ANO4: variants seen among roughly 807,000 people sequenced by gnomAD.
ANO4 encodes the protein anoctamin 4, also known as anoctamin-4.
ANO4 carries 69 observed loss-of-function variants against 141.9 expected under a neutral mutation model. The ratio of observed to expected loss-of-function variants is 0.49; its 90% CI spans 0.40 to 0.59. ANO4 has a LOEUF of 0.59. Among genes scored for constraint, ANO4 ranks in the 20% least tolerant of loss-of-function variants. The pLI is 0.00. For missense variants in ANO4, 894 were observed against 1,162.2 expected (o/e 0.77, Z 3.36); for synonymous variants, 350 against 394.3 (o/e 0.89, Z 1.33).
intron 14 of ANO4, among the ~76,000 whole-genome samples, chr12:101,048,770 C>T (rs561306867): frequency 6.6e-6 from 1 of 152,272 alleles, no homozygotes; most frequent in East Asian, 1.9e-4. Context: ...TGAGTACCCA[C>T]CTTTAGCTTT....
At chr12:100,790,181 G>A (rs748962162), upstream of ANO4, among the ~76,000 whole-genome samples, 1 of 152,204 alleles carries the variant, frequency 6.6e-6, no homozygotes, top group Non-Finnish European at 1.5e-5. Context: ...CAGGGCATGA[G>A]ATAATATAGG....
intron 5 of ANO4, among the ~76,000 whole-genome samples, chr12:100,953,558 C>A (rs2043059820): frequency 6.6e-6 from 1 of 152,170 alleles, no homozygotes; most frequent in Non-Finnish European, 1.5e-5. Flanking sequence ...TGAAGTAATT[C>A]ATTCATTCAT....
chr12:100,930,908 G>T (rs763790805), intron 3 of ANO4, among the ~76,000 whole-genome samples: 1 of 152,122 alleles, frequency 6.6e-6, no homozygotes, highest in Non-Finnish European at 1.5e-5. Context: ...TTGTCTCTTT[G>T]TCTGCTCCAT....
intron 9 of ANO4, among the ~76,000 whole-genome samples, chr12:101,034,361 C>T (rs1285074330): frequency 6.6e-6 from 1 of 152,076 alleles, no homozygotes; most frequent in Non-Finnish European, 1.5e-5. Context: ...AGCTGGATAC[C>T]ATCATCCTCA....
chr12:100,760,904 T>A (rs554113935), intron 3 of ANO4, among the ~76,000 whole-genome samples: 6 of 152,280 alleles, frequency 3.9e-5, no homozygotes, highest in African/African-American at 1.4e-4. Context: ...AGGTGGAACA[T>A]GGTCCTTTCT....
intron 14 of ANO4, among the ~76,000 whole-genome samples, chr12:101,049,401 A>C (rs2047766622): frequency 6.6e-6 from 1 of 152,094 alleles, no homozygotes; most frequent in South Asian, 2.1e-4. Context: ...TTCTTAGGGC[A>C]CTTAAAATTA....
chr12:101,024,780 C>T (rs2046667224), intron 9 of ANO4, among the ~76,000 whole-genome samples: 1 of 152,092 alleles, frequency 6.6e-6, no homozygotes. Flanking sequence ...CTCTGGTGCG[C>T]TAGACAAACT....
intron 8 of ANO4, among the ~76,000 whole-genome samples, chr12:100,997,005 G>T (rs1309384703): frequency 6.6e-6 from 1 of 152,100 alleles, no homozygotes; most frequent in East Asian, 1.9e-4. Flanking sequence ...ACTTGCTCAT[G>T]GTTGCTCTGG....
At chr12:100,995,515 C>T (rs757277610) in intron 8 of ANO4, among the ~76,000 whole-genome samples, 3 of 152,084 alleles carry the variant, frequency 2.0e-5, no homozygotes, top group Non-Finnish European at 2.9e-5. Flanking sequence ...TGCAGTCATC[C>T]GTGTGAAGCA....
chr12:100,918,803 T>C (rs962638663), intron 2 of ANO4, among the ~76,000 whole-genome samples: 2 of 152,092 alleles, frequency 1.3e-5, no homozygotes, highest in Admixed American at 6.6e-5. Flanking sequence ...CTCCTTTTAC[T>C]GATTAAAAAA....
At chr12:101,073,953 G>T (rs912467256) in intron 14 of ANO4, among the ~76,000 whole-genome samples, 3 of 152,066 alleles carry the variant, frequency 2.0e-5, no homozygotes, top group Non-Finnish European at 4.4e-5. Flanking sequence ...GTAGAAAATG[G>T]AGCAGAAAAA....
chr12:100,811,510 A>G (rs1214722005), intron 1 of ANO4, among the ~76,000 whole-genome samples: 1 of 152,178 alleles, frequency 6.6e-6, no homozygotes, highest in Non-Finnish European at 1.5e-5. Context: ...TGACTTTTGA[A>G]GGATTTTGGG....
intron 17 of ANO4, among the ~76,000 whole-genome samples, chr12:101,087,408 G>C (rs978577030): frequency 2.6e-5 from 4 of 151,892 alleles, no homozygotes; most frequent in African/African-American, 9.7e-5. Flanking sequence ...TGTAGTCCCA[G>C]CTGCTTTGTG....
chr12:101,107,255 A>C (rs567766175), intron 22 of ANO4, among the ~76,000 whole-genome samples: 4 of 152,292 alleles, frequency 2.6e-5, no homozygotes, highest in Admixed American at 2.6e-4. Context: ...CAGTCATTGA[A>C]CCAGCATTAT....
chr12:100,921,924 C>T (rs892472746), intron 2 of ANO4, among the ~76,000 whole-genome samples: 3 of 151,970 alleles, frequency 2.0e-5, no homozygotes, highest in Non-Finnish European at 4.4e-5. Context: ...TAGGTAGAGG[C>T]TATGTTATAT....
intron 14 of ANO4, among the ~76,000 whole-genome samples, chr12:101,073,873 G>GTTTTTA (rs1281533107): frequency 3.3e-5 from 5 of 152,178 alleles, no homozygotes; most frequent in Non-Finnish European, 5.9e-5. Context: ...TTGTGGGTAT[G>GTTTTTA]TTTTTATTTT....
intron 1 of ANO4, among the ~76,000 whole-genome samples, chr12:100,836,053 A>G (rs950243656): frequency 6.6e-6 from 1 of 152,178 alleles, no homozygotes; most frequent in African/African-American, 2.4e-5. Flanking sequence ...GAAAAATGCA[A>G]ATTCATTTCT....
At chr12:100,997,414 A>G (rs1401297673) in intron 8 of ANO4, among the ~76,000 whole-genome samples, 1 of 151,754 alleles carries the variant, frequency 6.6e-6, no homozygotes, top group Non-Finnish European at 1.5e-5. Flanking sequence ...CCTAAATACA[A>G]TTTTTCAACT....
chr12:101,086,903 G>T, intron 17 of ANO4, 79 bp downstream of exon 17: 1 of 1,518,514 alleles, frequency 6.6e-7, no homozygotes. Flanking sequence ...TTGCTAAGGG[G>T]ATCTGGCCTC....
Sources: gnomAD v4.1 joint callset for allele counts (sites outside exome capture counted in the v4.1 genomes callset) on GRCh38, gnomAD v4.1.1 for gene constraint, MANE v1.5 for transcripts, NCBI Gene and HGNC (gene_info 2026-07-23, HGNC 2026-07-21) for gene names.